SEMA3E: variants seen among roughly 807,000 people sequenced by gnomAD.
The protein encoded by SEMA3E is semaphorin 3E, also known as semaphorin-3E.
In SEMA3E, 49 loss-of-function variants were observed where a neutral mutation model predicts 93.6. That is an observed-to-expected ratio of 0.52 (90% CI 0.42 to 0.66). The LOEUF is 0.66. SEMA3E is among the 30% of genes least tolerant of loss of function. The pLI, the probability that SEMA3E is intolerant of heterozygous loss-of-function variation, is 0.00. For synonymous variants in SEMA3E, 363 were observed against 330.7 expected (o/e 1.10, Z -1.06); for missense variants, 906 against 964.8 (o/e 0.94, Z 0.81).
chr7:83,579,598 T>C (rs172550), intron 1 of SEMA3E, among the ~76,000 whole-genome samples: 3 of 151,850 alleles, frequency 2.0e-5, no homozygotes, highest in Non-Finnish European at 4.4e-5. Context: ...AAGGAAAAAG[T>C]AAATGTTATT....
In SEMA3E at chr7:83,367,833, A is replaced by G. The variant is rs1227723449; in HGVS notation, c.2081T>C (p.Met694Thr). Residue 694 changes from methionine to threonine, a missense_variant, in exon 17 of 17, where the codon ATG (methionine) becomes ACG (threonine). Transcript: ENST00000643230. ...KDDEEDRHHR[M>T]PCPAQSSISQ... Reference sequence around the variant, plus strand: ...GATGCTACTCTGAGCAGGACAAGGCATCCTGTGATGCCTGTCCTCCTCATC... The same window carrying G: ...GATGCTACTCTGAGCAGGACAAGGCGTCCTGTGATGCCTGTCCTCCTCATC... 1.2e-6 allele frequency: 2 copies of G among 1,613,752 alleles called. No individual in the cohort carries two copies. The highest frequency in any genetic ancestry group is 2.2e-5 in the East Asian group (1 of 44,874).
At chr7:83,632,645 T>C (rs1489094472) in intron 1 of SEMA3E, among the ~76,000 whole-genome samples, 1 of 152,202 alleles carries the variant, frequency 6.6e-6, no homozygotes, top group Non-Finnish European at 1.5e-5. Context: ...CTTTCGTAAA[T>C]TGCCCAGTCT....
chr7:83,470,591 C>A (rs2115895990), intron 2 of SEMA3E, among the ~76,000 whole-genome samples: 1 of 152,170 alleles, frequency 6.6e-6, no homozygotes, highest in African/African-American at 2.4e-5. Flanking sequence ...TCCTTCTTCC[C>A]ATTCCATGTT....
chr7:83,530,977 C>T (rs1791282382), intron 1 of SEMA3E, among the ~76,000 whole-genome samples: 1 of 152,090 alleles, frequency 6.6e-6, no homozygotes, highest in South Asian at 2.1e-4. Flanking sequence ...TTATTTTATA[C>T]ATCACACACA....
intron 1 of SEMA3E, among the ~76,000 whole-genome samples, chr7:83,637,830 A>G (rs1412863120): frequency 7.3e-6 from 1 of 137,684 alleles, no homozygotes; most frequent in African/African-American, 2.7e-5. Context: ...CTGCTAATTT[A>G]ACGTATATTT....
intron 1 of SEMA3E, among the ~76,000 whole-genome samples, chr7:83,570,381 G>A (rs1408148823): frequency 1.3e-5 from 2 of 149,124 alleles, no homozygotes; most frequent in South Asian, 4.3e-4. Context: ...GTGAAACCCC[G>A]TCTCTACTAA....
chr7:83,373,815 A>G (rs1457466922), intron 16 of SEMA3E, among the ~76,000 whole-genome samples: 1 of 152,206 alleles, frequency 6.6e-6, no homozygotes, highest in Non-Finnish European at 1.5e-5. Context: ...AAAAAAGAAA[A>G]AATGGAAAAA....
At chr7:83,636,091 G>T (rs1216388686) in intron 1 of SEMA3E, among the ~76,000 whole-genome samples, 5 of 152,222 alleles carry the variant, frequency 3.3e-5, no homozygotes, top group African/African-American at 1.2e-4. Flanking sequence ...TGGAGCAAGT[G>T]GGAAGAAAAG....
intron 2 of SEMA3E, among the ~76,000 whole-genome samples, chr7:83,480,703 A>G (rs928087758): frequency 2.0e-5 from 3 of 152,122 alleles, no homozygotes; most frequent in African/African-American, 7.2e-5. Context: ...ATTTTACTGA[A>G]TCTATTTAAG....
At chr7:83,526,917 G>T (rs73176571) in intron 1 of SEMA3E, among the ~76,000 whole-genome samples, 23,140 of 152,124 alleles carry the variant, frequency 0.15, 2,342 homozygotes, top group Middle Eastern at 0.35. Context: ...CCTGTTGGAG[G>T]TTAATTGTGA....
chr7:83,566,529 C>A (rs1387865545), intron 1 of SEMA3E, among the ~76,000 whole-genome samples: 1 of 151,830 alleles, frequency 6.6e-6, no homozygotes, highest in African/African-American at 2.4e-5. Flanking sequence ...GCTTTTTTTC[C>A]CTCCAAGAGT....
intron 9 of SEMA3E, among the ~76,000 whole-genome samples, chr7:83,405,143 T>G (rs1788302189): frequency 2.6e-5 from 4 of 151,948 alleles, no homozygotes. Flanking sequence ...GACTGATATC[T>G]TACAAACTGT....
chr7:83,464,990 A>T (rs1195034740), intron 4 of SEMA3E, among the ~76,000 whole-genome samples: 5 of 142,082 alleles, frequency 3.5e-5, no homozygotes, highest in Admixed American at 7.5e-5. Flanking sequence ...TTGCACGTAT[A>T]CACCCAGATG....
At chr7:83,604,824 C>CCT (rs1373477039) in intron 1 of SEMA3E, among the ~76,000 whole-genome samples, 1 of 151,956 alleles carries the variant, frequency 6.6e-6, no homozygotes, top group Non-Finnish European at 1.5e-5. Flanking sequence ...GTGTCGTTCC[C>CCT]CTCCCTGTGT....
At chr7:83,588,107 G>A (rs946723154) in intron 1 of SEMA3E, among the ~76,000 whole-genome samples, 1 of 152,072 alleles carries the variant, frequency 6.6e-6, no homozygotes, top group Non-Finnish European at 1.5e-5. Context: ...AGCTGAGGCC[G>A]GCGCGGTGGC....
intron 15 of SEMA3E, among the ~76,000 whole-genome samples, chr7:83,386,237 T>G (rs3109171): frequency 1.3e-5 from 2 of 151,972 alleles, no homozygotes; most frequent in Non-Finnish European, 2.9e-5. Context: ...CCTGAGTCAG[T>G]CTGGGGTCCA....
At chr7:83,449,294 T>C (rs1462700198) in intron 4 of SEMA3E, among the ~76,000 whole-genome samples, 1 of 151,874 alleles carries the variant, frequency 6.6e-6, no homozygotes, top group East Asian at 1.9e-4. Flanking sequence ...GAGACAGGGT[T>C]TCACCATGTT....
intron 2 of SEMA3E, among the ~76,000 whole-genome samples, chr7:83,477,313 T>C (rs1790035674): frequency 1.3e-5 from 2 of 152,092 alleles, no homozygotes; most frequent in Non-Finnish European, 2.9e-5. Context: ...TGTTTGCCTA[T>C]ATTTGGGGTT....
intron 1 of SEMA3E, among the ~76,000 whole-genome samples, chr7:83,619,633 T>C (rs2115622770): frequency 6.6e-6 from 1 of 151,854 alleles, no homozygotes; most frequent in South Asian, 2.1e-4. Flanking sequence ...AGGAAAAAAA[T>C]GACACAACTT....
Sources: allele counts gnomAD v4.1 joint callset (sites outside exome capture counted in the v4.1 genomes callset), GRCh38; gene constraint gnomAD v4.1.1; transcripts MANE v1.5; gene names NCBI Gene and HGNC (gene_info 2026-07-23, HGNC 2026-07-21).